The following PDZRN4 variants were observed in gnomAD, a reference collection of about 807,000 sequenced individuals.
PDZRN4 encodes PDZ domain containing ring finger 4, also known as PDZ domain-containing RING finger protein 4.
A neutral mutation model predicts 99.0 loss-of-function variants in PDZRN4; 70 were observed. The ratio of observed to expected loss-of-function variants is 0.71; its 90% CI spans 0.58 to 0.86. The LOEUF (loss-of-function observed/expected upper bound fraction) is 0.86, where lower values mean the gene tolerates loss of function less well. PDZRN4 is among the 40% of genes least tolerant of loss of function. The pLI is 0.00. For missense variants in PDZRN4, 1,474 were observed against 1,331.2 expected (o/e 1.11, Z -1.67); for synonymous variants, 551 against 501.6 (o/e 1.10, Z -1.32).
At chr12:41,393,507 TAAAA>T (rs61331927) in intron 3 of PDZRN4, among the ~76,000 whole-genome samples, 28 of 149,136 alleles carry the variant, frequency 1.9e-4, no homozygotes, top group African/African-American at 6.6e-4. Flanking sequence ...CCTTCTAAAA[TAAAA>T]AAAAAAAATG....
At position 41,235,892 on chromosome 12, in the gene PDZRN4, G is replaced by A. The variant is rs537126555; in HGVS notation, c.843+41704G>A. Among the ~76,000 whole-genome samples, 16 of 152,186 alleles carry A rather than the reference G, an allele frequency of 1.1e-4. No homozygotes were observed. In the South Asian group the frequency reaches 3.3e-3, roughly 32 times the overall value. On this transcript the variant is annotated intron_variant, in intron 3 of 9. Transcript: ENST00000402685. ...GCATTACGTAATTTCATTTCCAAAT[G>A]TATAACACTCATTTTTTTTCATTGT...
intron 3 of PDZRN4, among the ~76,000 whole-genome samples, chr12:41,231,199 T>A (rs1043944389): frequency 6.6e-6 from 1 of 152,110 alleles, no homozygotes; most frequent in South Asian, 2.1e-4. Flanking sequence ...TGATTTAGAC[T>A]TGATAAGCCC....
chr12:41,289,343 T>C (rs1036756983), intron 3 of PDZRN4, among the ~76,000 whole-genome samples: 3 of 152,326 alleles, frequency 2.0e-5, no homozygotes, highest in African/African-American at 7.2e-5. Flanking sequence ...ACTATAATAA[T>C]AGTACATTTT....
chr12:41,483,874 T>C (rs928156685), intron 3 of PDZRN4, among the ~76,000 whole-genome samples: 1 of 152,178 alleles, frequency 6.6e-6, no homozygotes, highest in African/African-American at 2.4e-5. Flanking sequence ...GTACACACAT[T>C]GCATTTATGA....
rs115079213 is a variant in PDZRN4, at chr12:41,462,029, A to G, written c.844-44427A>G. ...CTCCCAAGGGTTAGACTTTGATAAT[A>G]GCTCTGATTACATTCGCTCTGATAT... On this transcript the variant is annotated intron_variant, in intron 3 of 9. Transcript: ENST00000402685. Among the ~76,000 whole-genome samples, 517 of 152,292 alleles carry G rather than the reference A, an allele frequency of 3.4e-3. 2 individuals carry two copies. Among genetic ancestry groups the G allele is most frequent in the African/African-American group, 0.012 (479 of 41,580 alleles).
chr12:41,515,305 ATT>A (rs996049765), intron 5 of PDZRN4, among the ~76,000 whole-genome samples: 1 of 152,042 alleles, frequency 6.6e-6, no homozygotes, highest in Non-Finnish European at 1.5e-5. Context: ...GCATATTTAG[ATT>A]TGTTTAACTC....
chr12:41,453,671 G>C (rs1200600268), intron 3 of PDZRN4, among the ~76,000 whole-genome samples: 1 of 152,054 alleles, frequency 6.6e-6, no homozygotes, highest in African/African-American at 2.4e-5. Context: ...CCATCTTCTT[G>C]TCCCATTACA....
intron 3 of PDZRN4, among the ~76,000 whole-genome samples, chr12:41,215,967 A>C (rs749276279): frequency 6.6e-6 from 1 of 151,978 alleles, no homozygotes; most frequent in Non-Finnish European, 1.5e-5. Context: ...AGTGTTCTAC[A>C]AATGTAATGT....
rs1461243327 is a variant in PDZRN4, at chr12:41,573,574, T to G, written c.2795T>G (p.Met932Arg). The G allele has an allele frequency of 6.2e-7, 1 of 1,612,072 alleles. No homozygotes were observed. Among genetic ancestry groups the G allele is most frequent in the African/African-American group, 1.3e-5 (1 of 74,216 alleles). The change falls in exon 10 of 10, where the codon ATG becomes AGG. Residue 932 changes from methionine to arginine, a missense_variant. Transcript: ENST00000402685. ...RSGMTTDDDT[M>R]SEMKMGRYWS... is the part of the protein sequence containing the mutation. ...GGCATGACCACAGACGATGACACCA[T>G]GAGCGAGATGAAAATGGGGCGCTAC...
intron 3 of PDZRN4, among the ~76,000 whole-genome samples, chr12:41,299,713 A>G (rs1173507006): frequency 9.5e-6 from 1 of 104,946 alleles, no homozygotes; most frequent in Non-Finnish European, 2.4e-5. Context: ...TTTACTTTAT[A>G]AAATTGAGTT....
intron 3 of PDZRN4, among the ~76,000 whole-genome samples, chr12:41,273,305 A>T (rs1396450685): frequency 6.6e-6 from 1 of 152,096 alleles, no homozygotes; most frequent in Non-Finnish European, 1.5e-5. Context: ...GTAATGGAAG[A>T]TTGCATAAGA....
chr12:41,484,790 T>C (rs1937743329), intron 3 of PDZRN4, among the ~76,000 whole-genome samples: 1 of 152,122 alleles, frequency 6.6e-6, no homozygotes, highest in Admixed American at 6.6e-5. Flanking sequence ...ATGAAGCTTC[T>C]TGTCCTAATA....
intron 3 of PDZRN4, among the ~76,000 whole-genome samples, chr12:41,372,394 T>C (rs1278456176): frequency 6.6e-6 from 1 of 152,090 alleles, no homozygotes; most frequent in Non-Finnish European, 1.5e-5. Flanking sequence ...ATGTAGATAA[T>C]AATTAAATAA....
At chr12:41,524,006 G>A (rs184707827) in intron 5 of PDZRN4, among the ~76,000 whole-genome samples, 3 of 152,194 alleles carry the variant, frequency 2.0e-5, no homozygotes, top group East Asian at 1.9e-4. Flanking sequence ...AACATATTTA[G>A]TAAAGTTGCA....
Position 41,319,798 on chromosome 12 carries a change from T to G in PDZRN4, c.843+125610T>G, listed in dbSNP as rs542955596. On this transcript the variant is annotated intron_variant, in intron 3 of 9. Coordinates refer to ENST00000402685, the MANE Select transcript of PDZRN4 (RefSeq NM_001164595.2). ...AAACAAAAAACATAAACTATTTATC[T>G]CACCTGCGACTGTGTGGTTGCACCC... is the stretch of plus-strand genomic sequence containing the variant. Among the ~76,000 whole-genome samples, 60 of 152,338 alleles carry G rather than the reference T, an allele frequency of 3.9e-4. 1 individual carries two copies. The highest frequency in any genetic ancestry group is 6.5e-4 in the Non-Finnish European group (44 of 68,024).
chr12:41,569,210 C>A (rs142828683), intron 9 of PDZRN4, among the ~76,000 whole-genome samples: 7,985 of 151,926 alleles, frequency 0.053, 554 homozygotes, highest in East Asian at 0.24. Context: ...ACCTCTGCCT[C>A]CTGGGCTCAA....
chr12:41,558,534 G>A (rs755742152), intron 7 of PDZRN4, among the ~76,000 whole-genome samples: 2 of 152,134 alleles, frequency 1.3e-5, no homozygotes, highest in African/African-American at 2.4e-5. Flanking sequence ...TAGTTGGATG[G>A]AAATAAAGTG....
chr12:41,496,037 T>C (rs367982430), intron 3 of PDZRN4, among the ~76,000 whole-genome samples: 1 of 152,120 alleles, frequency 6.6e-6, no homozygotes, highest in East Asian at 1.9e-4. Flanking sequence ...TTTTCCCAGA[T>C]TGTAAGAGCA....
intron 3 of PDZRN4, among the ~76,000 whole-genome samples, chr12:41,345,522 T>C (rs1339878306): frequency 6.6e-6 from 1 of 152,222 alleles, no homozygotes; most frequent in Non-Finnish European, 1.5e-5. Flanking sequence ...AGTCATTTTC[T>C]GGGATTCCTC....
Sources: allele counts gnomAD v4.1 joint callset (sites outside exome capture counted in the v4.1 genomes callset), GRCh38; gene constraint gnomAD v4.1.1; transcripts MANE v1.5; gene names NCBI Gene and HGNC (gene_info 2026-07-23, HGNC 2026-07-21).